SCHIP1: variants seen among roughly 807,000 people sequenced by gnomAD.
SCHIP1 encodes the protein schwannomin interacting protein 1.
Under a neutral mutation model 29.7 loss-of-function variants are expected in SCHIP1, and 8 were observed. That is an observed-to-expected ratio of 0.27 (90% CI 0.16 to 0.49). The LOEUF (loss-of-function observed/expected upper bound fraction) is 0.49, where lower values mean the gene tolerates loss of function less well. Among genes scored for constraint, SCHIP1 ranks in the 20% least tolerant of loss-of-function variants. SCHIP1 has a pLI of 0.99. For synonymous variants in SCHIP1, 76 were observed against 94.9 expected (o/e 0.80, Z 1.16); for missense variants, 193 against 294.6 (o/e 0.66, Z 2.52).
chr3:159,646,550 C>T, the SCHIP1 span, among the ~76,000 whole-genome samples: 1 of 152,144 alleles, frequency 6.6e-6, no homozygotes, highest in African/African-American at 2.4e-5. Context: ...TACTCTTGCT[C>T]CCTCTCCCCT....
At chr3:159,326,125 C>T in the SCHIP1 span, among the ~76,000 whole-genome samples, 1 of 151,974 alleles carries the variant, frequency 6.6e-6, no homozygotes. Context: ...AGTTACCTGC[C>T]CAAGGCCGTA....
chr3:159,548,857 C>T, the SCHIP1 span, among the ~76,000 whole-genome samples: 5 of 151,972 alleles, frequency 3.3e-5, no homozygotes, highest in Non-Finnish European at 4.4e-5. Flanking sequence ...CTGCTAATTT[C>T]GACATCTGAG....
At chr3:159,385,055 A>G in the SCHIP1 span, among the ~76,000 whole-genome samples, 6 of 152,276 alleles carry the variant, frequency 3.9e-5, no homozygotes, top group South Asian at 1.0e-3. Context: ...ATCCTTTCAA[A>G]AAACCAGCTC....
At chr3:159,476,560 A>C in the SCHIP1 span, among the ~76,000 whole-genome samples, 2 of 152,196 alleles carry the variant, frequency 1.3e-5, no homozygotes, top group African/African-American at 4.8e-5. Context: ...AGTGTGCACT[A>C]TGAATAGAAT....
chr3:159,647,126 C>T, the SCHIP1 span, among the ~76,000 whole-genome samples: 23,778 of 151,764 alleles, frequency 0.16, 5,145 homozygotes, highest in African/African-American at 0.49. Flanking sequence ...AGAAAGTAGA[C>T]CACCATTTGA....
the SCHIP1 span, among the ~76,000 whole-genome samples, chr3:159,716,991 A>C: frequency 6.6e-6 from 1 of 152,198 alleles, no homozygotes; most frequent in Non-Finnish European, 1.5e-5. Flanking sequence ...GTAGGAAGTA[A>C]AGCACTCCTG....
At chr3:159,524,988 T>C in the SCHIP1 span, among the ~76,000 whole-genome samples, 1 of 152,160 alleles carries the variant, frequency 6.6e-6, no homozygotes, top group Non-Finnish European at 1.5e-5. Flanking sequence ...GTCTCCCTGC[T>C]TCCATACCAG....
chr3:159,470,104 T>C, the SCHIP1 span, among the ~76,000 whole-genome samples: 3 of 152,126 alleles, frequency 2.0e-5, no homozygotes, highest in South Asian at 6.2e-4. Flanking sequence ...CCAGTCTTCC[T>C]AAAAACACTA....
At chr3:159,341,814 CT>C in the SCHIP1 span, among the ~76,000 whole-genome samples, 5 of 152,164 alleles carry the variant, frequency 3.3e-5, no homozygotes, top group African/African-American at 1.2e-4. Flanking sequence ...TGTATTAAAA[CT>C]GATGATTGTG....
chr3:159,483,077 G>A, the SCHIP1 span, among the ~76,000 whole-genome samples: 5 of 152,274 alleles, frequency 3.3e-5, no homozygotes, highest in South Asian at 1.0e-3. Context: ...GCTGCAATTT[G>A]GGGATAGCTG....
the SCHIP1 span, among the ~76,000 whole-genome samples, chr3:159,642,873 G>A: frequency 6.6e-6 from 1 of 152,066 alleles, no homozygotes; most frequent in African/African-American, 2.4e-5. Flanking sequence ...TACAGTGTAG[G>A]GGGAGAACAG....
the SCHIP1 span, among the ~76,000 whole-genome samples, chr3:159,316,433 A>C: frequency 2.0e-5 from 3 of 152,200 alleles, no homozygotes; most frequent in African/African-American, 7.2e-5. Context: ...GAAGCTGATT[A>C]GATTGTGCCC....
chr3:159,658,694 T>C, the SCHIP1 span, among the ~76,000 whole-genome samples: 1 of 152,168 alleles, frequency 6.6e-6, no homozygotes, highest in African/African-American at 2.4e-5. Context: ...CACTTTTAAA[T>C]AGGTATCTTT....
At chr3:159,549,060 G>A in the SCHIP1 span, among the ~76,000 whole-genome samples, 3 of 152,108 alleles carry the variant, frequency 2.0e-5, no homozygotes, top group East Asian at 5.8e-4. Context: ...TAGCTTAGTT[G>A]AACTGAAATT....
At chr3:159,477,178 T>G in the SCHIP1 span, among the ~76,000 whole-genome samples, 1 of 151,896 alleles carries the variant, frequency 6.6e-6, no homozygotes, top group African/African-American at 2.4e-5. Flanking sequence ...CACATTTTCT[T>G]TATTCATTCA....
the SCHIP1 span, among the ~76,000 whole-genome samples, chr3:159,806,510 G>A: frequency 1.2e-4 from 19 of 152,348 alleles, no homozygotes; most frequent in East Asian, 3.7e-3. Context: ...ATTCAAGCGT[G>A]AAATGTGGCA....
chr3:159,766,725 G>T, the SCHIP1 span, among the ~76,000 whole-genome samples: 1 of 152,156 alleles, frequency 6.6e-6, no homozygotes, highest in Admixed American at 6.5e-5. Flanking sequence ...TATGTGCTGT[G>T]TGCCAGGGAT....
chr3:159,537,086 C>T, the SCHIP1 span, among the ~76,000 whole-genome samples: 1 of 152,174 alleles, frequency 6.6e-6, no homozygotes, highest in Non-Finnish European at 1.5e-5. Flanking sequence ...CAGAATACCA[C>T]TGCTCCTGTA....
chr3:159,871,260 G>C (rs1357847666), intron 2 of SCHIP1, among the ~76,000 whole-genome samples: 2 of 148,492 alleles, frequency 1.3e-5, no homozygotes, highest in African/African-American at 5.0e-5. Context: ...CATCTGCTTA[G>C]AGAGCCCTTC....
Sources: allele counts gnomAD v4.1 joint callset (sites outside exome capture counted in the v4.1 genomes callset), GRCh38; gene constraint gnomAD v4.1.1; transcripts MANE v1.5; gene names NCBI Gene and HGNC (gene_info 2026-07-23, HGNC 2026-07-21).